Variants in TASP1 observed in about 807,000 individuals in gnomAD.
TASP1 encodes the protein threonine aspartase 1.
TASP1 carries 16 observed loss-of-function variants against 56.6 expected under a neutral mutation model. That is an observed-to-expected ratio of 0.28 (90% CI 0.19 to 0.43). TASP1 has a LOEUF of 0.43. Among genes scored for constraint, TASP1 ranks in the 20% least tolerant of loss-of-function variants. The pLI is 1.00. For synonymous variants in TASP1, 179 were observed against 184.2 expected, an observed-to-expected ratio of 0.97 and a Z score of 0.23; for missense variants, 393 against 511.6, an observed-to-expected ratio of 0.77 and a Z score of 2.24.
the TASP1 span, among the ~76,000 whole-genome samples, chr20:13,297,696 G>A: frequency 6.6e-6 from 1 of 152,202 alleles, no homozygotes; most frequent in Admixed American, 6.5e-5. Context: ...GGAGAATGCA[G>A]GATCAGCATA....
chr20:13,464,781 CA>C (rs561200023), intron 11 of TASP1, among the ~76,000 whole-genome samples: 14 of 151,978 alleles, frequency 9.2e-5, no homozygotes, highest in Non-Finnish European at 1.8e-4. Context: ...TTAATGGATA[CA>C]GAAGTTCAGT....
the TASP1 span, among the ~76,000 whole-genome samples, chr20:13,242,812 A>G: frequency 6.6e-6 from 1 of 152,146 alleles, no homozygotes; most frequent in African/African-American, 2.4e-5. Context: ...CTTACTGTTC[A>G]TGTGTGAAGT....
chr20:13,240,551 G>T, the TASP1 span, among the ~76,000 whole-genome samples: 2 of 152,326 alleles, frequency 1.3e-5, no homozygotes, highest in Non-Finnish European at 2.9e-5. Context: ...GTGTAAGGAA[G>T]AAAGTGGCAC....
the TASP1 span, among the ~76,000 whole-genome samples, chr20:13,234,627 A>T: frequency 2.6e-5 from 4 of 152,238 alleles, no homozygotes; most frequent in Admixed American, 2.6e-4. Flanking sequence ...TTGCTTTTAG[A>T]TTTTTTAACA....
the TASP1 span, among the ~76,000 whole-genome samples, chr20:13,250,013 G>A: frequency 1.1e-4 from 16 of 152,212 alleles, no homozygotes; most frequent in South Asian, 3.1e-3. Context: ...GATTTCCATC[G>A]ATCGCTTCCA....
chr20:13,148,417 CA>C, the TASP1 span, among the ~76,000 whole-genome samples: 1 of 152,154 alleles, frequency 6.6e-6, no homozygotes, highest in South Asian at 2.1e-4. Flanking sequence ...TAACCACCCT[CA>C]GGGGTGGGGT....
intron 1 of TASP1, among the ~76,000 whole-genome samples, chr20:13,635,901 AG>A (rs1224358986): frequency 2.6e-5 from 4 of 152,152 alleles, no homozygotes; most frequent in Admixed American, 2.6e-4. Flanking sequence ...TCTCTCTAAA[AG>A]ATGGTTTTAT....
chr20:13,453,470 C>T lies in TASP1; in HGVS notation c.986-18316G>A, dbSNP rs1447918754. ...TTTTTAGGTGTTTCAAAAAGTCAAG[C>T]AAGCACTGCTAGACCTGGAGATCTC... On this transcript the variant is annotated intron_variant, in intron 11 of 13. Coordinates refer to ENST00000337743, the MANE Select transcript of TASP1 (RefSeq NM_017714.3). 2.0e-5 allele frequency among the ~76,000 whole-genome samples: 3 copies of T among 152,056 alleles called. No homozygotes were observed. In the East Asian group the frequency reaches 5.8e-4, roughly 29 times the overall value.
intron 10 of TASP1, among the ~76,000 whole-genome samples, chr20:13,519,981 G>GACAA (rs923103035): frequency 1.2e-4 from 19 of 152,070 alleles, no homozygotes; most frequent in Non-Finnish European, 2.1e-4. Context: ...ACCAATAACA[G>GACAA]ACAAACAGAG....
chr20:13,322,408 A>G, the TASP1 span, among the ~76,000 whole-genome samples: 1 of 151,726 alleles, frequency 6.6e-6, no homozygotes, highest in Non-Finnish European at 1.5e-5. Flanking sequence ...TCTCTCTCCA[A>G]CTCTTCCACC....
At chr20:13,272,713 T>C in the TASP1 span, among the ~76,000 whole-genome samples, 1 of 152,362 alleles carries the variant, frequency 6.6e-6, no homozygotes, top group East Asian at 1.9e-4. Flanking sequence ...ATGGCCCCTC[T>C]CCAGGGACTG....
At chr20:13,554,126 C>T (rs1484264299) in intron 8 of TASP1, among the ~76,000 whole-genome samples, 1 of 152,114 alleles carries the variant, frequency 6.6e-6, no homozygotes, top group African/African-American at 2.4e-5. Context: ...ATTTCAGGAG[C>T]CATATCACAT....
At chr20:13,404,406 T>C (rs1380430101) in intron 13 of TASP1, among the ~76,000 whole-genome samples, 2 of 152,130 alleles carry the variant, frequency 1.3e-5, no homozygotes, top group Non-Finnish European at 2.9e-5. Context: ...AGTTTGAGAT[T>C]ACGCCAGCCT....
chr20:13,333,805 C>G, the TASP1 span, among the ~76,000 whole-genome samples: 1 of 152,234 alleles, frequency 6.6e-6, no homozygotes, highest in Non-Finnish European at 1.5e-5. Context: ...CACACACTTA[C>G]TTTCCTCCTC....
chr20:13,318,394 G>A, the TASP1 span, among the ~76,000 whole-genome samples: 9 of 152,146 alleles, frequency 5.9e-5, no homozygotes, highest in East Asian at 1.9e-4. Context: ...TCAAAATGGC[G>A]TGACCACTTT....
intron 11 of TASP1, among the ~76,000 whole-genome samples, chr20:13,455,059 T>C (rs1002930282): frequency 1.2e-4 from 18 of 152,020 alleles, no homozygotes; most frequent in African/African-American, 3.6e-4. Flanking sequence ...CTGTGTCTAA[T>C]AAATAAAACA....
intron 9 of TASP1, among the ~76,000 whole-genome samples, chr20:13,530,538 C>A (rs768057625): frequency 2.0e-5 from 3 of 152,346 alleles, no homozygotes; most frequent in African/African-American, 7.2e-5. Context: ...ATTCTTTCTT[C>A]ATTGAAAACT....
At chr20:13,569,696 A>G (rs2062469764) in intron 6 of TASP1, 110 bp from the exon 7 acceptor site, 4 of 832,106 alleles carry the variant, frequency 4.8e-6, no homozygotes, top group Middle Eastern at 3.7e-4. Flanking sequence ...GCATATGGAC[A>G]TAATTCCAGA....
chr20:13,270,431 A>G, the TASP1 span: 1 of 1,499,718 alleles, frequency 6.7e-7, no homozygotes, highest in East Asian at 2.5e-5. Context: ...TCCTGAATAT[A>G]ATGGACTGTT....
Sources: allele counts gnomAD v4.1 joint callset (sites outside exome capture counted in the v4.1 genomes callset), GRCh38; gene constraint gnomAD v4.1.1; transcripts MANE v1.5; gene names NCBI Gene and HGNC (gene_info 2026-07-23, HGNC 2026-07-21).